Variants in MTUS2 observed in about 807,000 individuals in gnomAD.
The protein encoded by MTUS2 is microtubule associated scaffold protein 2.
A neutral mutation model predicts 114.1 loss-of-function variants in MTUS2; 40 were observed. The ratio of observed to expected loss-of-function variants is 0.35; its 90% CI spans 0.27 to 0.46. The LOEUF (loss-of-function observed/expected upper bound fraction) is 0.46, where lower values mean the gene tolerates loss of function less well. MTUS2 is among the 20% of genes least tolerant of loss of function. The pLI is 1.00. For synonymous variants in MTUS2, 688 were observed against 672.0 expected, an observed-to-expected ratio of 1.02 and a Z score of -0.37; for missense variants, 1,679 against 1,705.4, an observed-to-expected ratio of 0.98 and a Z score of 0.27.
At chr13:29,151,585 A>T (rs1358186344) in intron 5 of MTUS2, among the ~76,000 whole-genome samples, 1 of 152,152 alleles carries the variant, frequency 6.6e-6, no homozygotes, top group Non-Finnish European at 1.5e-5. Flanking sequence ...AAAAAGAATG[A>T]TGAGATTAGG....
At chr13:28,934,290 T>C (rs767345026) in intron 2 of MTUS2, among the ~76,000 whole-genome samples, 9 of 152,186 alleles carry the variant, frequency 5.9e-5, no homozygotes, top group South Asian at 2.1e-4. Flanking sequence ...TATGTTTCCT[T>C]CTTCTTCTTG....
intron 2 of MTUS2, among the ~76,000 whole-genome samples, chr13:28,911,320 C>G (rs896836165): frequency 6.6e-6 from 1 of 151,522 alleles, no homozygotes; most frequent in African/African-American, 2.4e-5. Flanking sequence ...GGACTACAGG[C>G]ACGTACCACC....
At chr13:29,454,028 A>G (rs1878932591) in intron 9 of MTUS2, among the ~76,000 whole-genome samples, 1 of 152,228 alleles carries the variant, frequency 6.6e-6, no homozygotes, top group Non-Finnish European at 1.5e-5. Flanking sequence ...AAATATATAA[A>G]CTGCAGTGTA....
At chr13:29,284,173 C>T (rs1898383164) in intron 6 of MTUS2, among the ~76,000 whole-genome samples, 1 of 152,082 alleles carries the variant, frequency 6.6e-6, no homozygotes, top group Non-Finnish European at 1.5e-5. Flanking sequence ...TAATAGGGGG[C>T]TCACTGAACA....
intron 4 of MTUS2, among the ~76,000 whole-genome samples, chr13:29,085,818 C>T (rs1347707046): frequency 1.3e-5 from 2 of 152,080 alleles, no homozygotes; most frequent in Non-Finnish European, 2.9e-5. Context: ...AGTGGGATTG[C>T]TAGGTCAAAA....
At chr13:28,900,923 A>G (rs2137958836) in intron 2 of MTUS2, among the ~76,000 whole-genome samples, 1 of 152,312 alleles carries the variant, frequency 6.6e-6, no homozygotes, top group African/African-American at 2.4e-5. Context: ...GTTTCTCAGT[A>G]GTATTGTGAT....
chr13:29,457,538 T>A (rs994905131), intron 9 of MTUS2, among the ~76,000 whole-genome samples: 1 of 152,128 alleles, frequency 6.6e-6, no homozygotes, highest in Non-Finnish European at 1.5e-5. Flanking sequence ...ATTTATCTGT[T>A]CTTCTGCTGG....
At chr13:29,091,266 T>C (rs1889934951) in intron 4 of MTUS2, among the ~76,000 whole-genome samples, 1 of 152,030 alleles carries the variant, frequency 6.6e-6, no homozygotes, top group African/African-American at 2.4e-5. Context: ...TTACCCACAC[T>C]CAGGTATTTA....
chr13:29,327,829 G>A (rs917822838), intron 7 of MTUS2, among the ~76,000 whole-genome samples: 10 of 152,158 alleles, frequency 6.6e-5, no homozygotes, highest in Admixed American at 4.6e-4. Flanking sequence ...CAAAGTGGTT[G>A]TACCATTTTA....
At chr13:29,357,683 C>T (rs1431454352) in intron 7 of MTUS2, among the ~76,000 whole-genome samples, 1 of 152,174 alleles carries the variant, frequency 6.6e-6, no homozygotes, top group African/African-American at 2.4e-5. Context: ...TTGCCTACAA[C>T]AAGCAAGTGA....
At chr13:29,038,994 C>T (rs1278316493) in intron 4 of MTUS2, among the ~76,000 whole-genome samples, 2 of 152,242 alleles carry the variant, frequency 1.3e-5, no homozygotes, top group Non-Finnish European at 2.9e-5. Context: ...CCCGGTGATG[C>T]TCAGGAGTGG....
intron 5 of MTUS2, among the ~76,000 whole-genome samples, chr13:29,254,486 A>T (rs1390708637): frequency 6.6e-6 from 1 of 152,226 alleles, no homozygotes; most frequent in Non-Finnish European, 1.5e-5. Flanking sequence ...AAGTCGTACC[A>T]ACACTGAGGT....
intron 2 of MTUS2, among the ~76,000 whole-genome samples, chr13:28,856,018 A>G (rs911946394): frequency 1.3e-4 from 20 of 152,046 alleles, no homozygotes; most frequent in Non-Finnish European, 2.6e-4. Flanking sequence ...TTCTCTGATG[A>G]TTGTCACTGG....
chr13:29,251,173 T>G (rs2139430566), intron 5 of MTUS2, among the ~76,000 whole-genome samples: 1 of 152,244 alleles, frequency 6.6e-6, no homozygotes, highest in South Asian at 2.1e-4. Context: ...TAGCATAAAA[T>G]TAACAGCAGA....
intron 2 of MTUS2, among the ~76,000 whole-genome samples, chr13:29,007,057 G>T (rs987190597): frequency 1.3e-5 from 2 of 152,060 alleles, no homozygotes; most frequent in East Asian, 1.9e-4. Flanking sequence ...TGTGTTCCTA[G>T]ACATCCAATA....
chr13:29,142,306 A>C lies in MTUS2; in HGVS notation c.2644+41336A>C, dbSNP rs544732526. ...GGCCCACCTTTAATATGTCTGATTC[A>C]GTATATTTGGAGTTGAAGCCCAATA... On this transcript the variant is annotated intron_variant, in intron 5 of 15. Transcript: ENST00000612955. Among the ~76,000 whole-genome samples, 6 of 152,330 alleles carry C rather than the reference A, an allele frequency of 3.9e-5. No individual in the cohort carries two copies. The East Asian group carries it at 1.2e-3, about 29-fold the overall frequency.
Position 29,047,578 on chromosome 13 carries a change from A to G in MTUS2, c.2446+13453A>G, listed in dbSNP as rs143386793. Reference sequence around the variant, plus strand: ...GCTCAGGCTGGAGTGCAGTGGCGCAATCTCGGCTCACTGCAAGCTCTGCCT... The same window carrying G: ...GCTCAGGCTGGAGTGCAGTGGCGCAGTCTCGGCTCACTGCAAGCTCTGCCT... On this transcript the variant is annotated intron_variant, in intron 4 of 15. Transcript: ENST00000612955. Among the ~76,000 whole-genome samples the G allele has an allele frequency of 8.2e-3, 1,231 of 150,206 alleles. 18 individuals carry two copies. The highest frequency in any genetic ancestry group is 0.028 in the African/African-American group (1,138 of 40,692).
At chr13:29,463,628 C>G (rs1427515748) in intron 9 of MTUS2, among the ~76,000 whole-genome samples, 1 of 152,152 alleles carries the variant, frequency 6.6e-6, no homozygotes, top group Non-Finnish European at 1.5e-5. Flanking sequence ...GAGGTAGATT[C>G]AATCCCAGGT....
At chr13:28,946,436 G>A (rs899329091) in intron 2 of MTUS2, among the ~76,000 whole-genome samples, 2 of 152,014 alleles carry the variant, frequency 1.3e-5, no homozygotes, top group Non-Finnish European at 1.5e-5. Flanking sequence ...GTAATTTTTC[G>A]GTAGATCCTA....
Sources: gnomAD v4.1 joint callset for allele counts (sites outside exome capture counted in the v4.1 genomes callset) on GRCh38, gnomAD v4.1.1 for gene constraint, MANE v1.5 for transcripts, NCBI Gene and HGNC (gene_info 2026-07-23, HGNC 2026-07-21) for gene names.